The following SEC63 variants were observed in gnomAD, a reference collection of about 807,000 sequenced individuals.
SEC63 encodes the protein SEC63 protein translocation regulator.
In SEC63, 56 loss-of-function variants were observed where a neutral mutation model predicts 116.2. The ratio of observed to expected loss-of-function variants is 0.48; its 90% CI spans 0.39 to 0.60. The LOEUF (loss-of-function observed/expected upper bound fraction) is 0.60. SEC63 is among the 20% of genes least tolerant of loss of function. The pLI is 0.00. For missense variants in SEC63, 668 were observed against 900.0 expected, an observed-to-expected ratio of 0.74 and a Z score of 3.30; for synonymous variants, 273 against 294.6, an observed-to-expected ratio of 0.93 and a Z score of 0.75.
At chr6:107,931,274 G>A (rs1484843113) in intron 1 of SEC63, among the ~76,000 whole-genome samples, 8 of 149,860 alleles carry the variant, frequency 5.3e-5, no homozygotes, top group Admixed American at 1.3e-4. Flanking sequence ...CCTGGGAGGC[G>A]AAGGTCGCAG....
Position 107,881,277 on chromosome 6 carries a change from TA to T in SEC63, c.1834-28del, listed in dbSNP as rs761436360. ...TAGTAAACAAAAAAATTAAAATATT[TA>T]AAATCTAGTATGTGTTTTATCACTT... On this transcript the variant is annotated intron_variant, in intron 17 of 20. Transcript: ENST00000369002. 6 of 1,408,452 alleles carry T rather than the reference TA, an allele frequency of 4.3e-6. No homozygotes were observed. The East Asian group carries it at 1.4e-4, about 32-fold the overall frequency. The allele number at this position is 1,408,452 out of a possible 1,614,324, so 87.2% of individuals were successfully genotyped here.
chr6:107,924,438 C>T (rs1029255250), intron 3 of SEC63, among the ~76,000 whole-genome samples: 1 of 150,586 alleles, frequency 6.6e-6, no homozygotes, highest in African/African-American at 2.4e-5. Context: ...ATTAGACAGG[C>T]GTGATGGCGG....
Position 107,871,639 on chromosome 6 carries a change from T to A in SEC63, c.*65A>T, listed in dbSNP as rs543586366. 18 of 1,525,206 alleles carry A rather than the reference T, an allele frequency of 1.2e-5. No homozygotes were observed. In the African/African-American group the frequency reaches 1.8e-4, roughly 15 times the overall value. 94.5% of individuals were successfully genotyped at this position (1,525,206 alleles called of 1,614,324 possible). A position where few individuals can be genotyped will look rare whatever the true frequency, so the allele number is the denominator to read the frequency against. On this transcript the variant is annotated 3_prime_UTR_variant, in exon 21 of 21. Coordinates refer to ENST00000369002, the MANE Select transcript of SEC63 (RefSeq NM_007214.5). ...GTTCTGTACTGTTTCTGGTTTATGA[T>A]ACACTTCCAAAACAGCAAAAAATTG...
chr6:107,903,658 T>C (rs1309497008), intron 11 of SEC63, among the ~76,000 whole-genome samples: 1 of 152,152 alleles, frequency 6.6e-6, no homozygotes. Flanking sequence ...TGAGCTATGA[T>C]TACCCTACTG....
chr6:107,876,537 A>C, intron 19 of SEC63, 27 bp downstream of exon 19: 1 of 1,350,388 alleles, frequency 7.4e-7, no homozygotes, highest in South Asian at 1.2e-5. Flanking sequence ...CTTGTTAAAC[A>C]CTGAAATCAT....
At chr6:107,921,154 G>C (rs540730965) in intron 4 of SEC63, among the ~76,000 whole-genome samples, 2 of 151,560 alleles carry the variant, frequency 1.3e-5, no homozygotes, top group African/African-American at 4.8e-5. Context: ...GTTTAAATGA[G>C]ATAAGCTACA....
At chr6:107,945,635 C>T (rs187875862) in intron 1 of SEC63, among the ~76,000 whole-genome samples, 49 of 151,788 alleles carry the variant, frequency 3.2e-4, no homozygotes, top group Middle Eastern at 3.4e-3. Flanking sequence ...TGAACAGCAT[C>T]GCCTTTCAAA....
intron 4 of SEC63, among the ~76,000 whole-genome samples, chr6:107,915,484 A>G (rs1163381814): frequency 1.3e-5 from 2 of 152,154 alleles, no homozygotes; most frequent in Non-Finnish European, 1.5e-5. Context: ...AAAAATTAAC[A>G]TATCTTTAAG....
intron 4 of SEC63, among the ~76,000 whole-genome samples, chr6:107,921,024 C>T (rs2114475247): frequency 6.6e-6 from 1 of 152,150 alleles, no homozygotes; most frequent in African/African-American, 2.4e-5. Flanking sequence ...CTTAAAAATC[C>T]ACATCTCAAC....
intron 14 of SEC63, among the ~76,000 whole-genome samples, chr6:107,896,158 C>T (rs1345673744): frequency 1.3e-5 from 2 of 151,028 alleles, no homozygotes; most frequent in Non-Finnish European, 3.0e-5. Flanking sequence ...ACAGTGAGAC[C>T]GTGTCTCAAC....
At chr6:107,913,712 G>A (rs932760689) in intron 4 of SEC63, among the ~76,000 whole-genome samples, 1 of 152,148 alleles carries the variant, frequency 6.6e-6, no homozygotes, top group Non-Finnish European at 1.5e-5. Flanking sequence ...AGTTCAACCA[G>A]ATCAAACTTT....
chr6:107,952,472 A>G (rs919548002), intron 1 of SEC63, among the ~76,000 whole-genome samples: 1 of 152,146 alleles, frequency 6.6e-6, no homozygotes, highest in Non-Finnish European at 1.5e-5. Context: ...GATTAGTTAA[A>G]CTGGGCCGGG....
At chr6:107,886,845 GTTTT>G (rs34959288) in intron 16 of SEC63, among the ~76,000 whole-genome samples, 1 of 128,094 alleles carries the variant, frequency 7.8e-6, no homozygotes, top group Non-Finnish European at 1.7e-5. Flanking sequence ...GTTTTTTTGG[GTTTT>G]TTTTTTTTTT....
At chr6:107,907,581 A>G (rs1787173990) in intron 8 of SEC63, among the ~76,000 whole-genome samples, 1 of 152,184 alleles carries the variant, frequency 6.6e-6, no homozygotes, top group Non-Finnish European at 1.5e-5. Context: ...ACTTTGCCTC[A>G]GAGAAAAAAA....
At chr6:107,948,759 GAAC>G (rs892073855) in intron 1 of SEC63, among the ~76,000 whole-genome samples, 4 of 151,990 alleles carry the variant, frequency 2.6e-5, no homozygotes, top group African/African-American at 7.3e-5. Flanking sequence ...CCACCAAAAC[GAAC>G]AACTGCTTTT....
At chr6:107,954,279 A>G (rs986800864) in intron 1 of SEC63, among the ~76,000 whole-genome samples, 3 of 151,598 alleles carry the variant, frequency 2.0e-5, no homozygotes, top group African/African-American at 7.3e-5. Context: ...CATGCTCGTT[A>G]AGAGTCATCA....
chr6:107,901,282 TAC>T, intron 13 of SEC63, 86 bp downstream of exon 13: 3 of 1,251,770 alleles, frequency 2.4e-6, no homozygotes, highest in South Asian at 2.4e-5. Flanking sequence ...TGTTATTAAG[TAC>T]AGTGTTTTGA....
chr6:107,910,107 A>C (rs1477385562), intron 7 of SEC63, among the ~76,000 whole-genome samples: 1 of 152,184 alleles, frequency 6.6e-6, no homozygotes, highest in Non-Finnish European at 1.5e-5. Flanking sequence ...CCAACTTCCC[A>C]ATGATTCCTA....
intron 1 of SEC63, among the ~76,000 whole-genome samples, chr6:107,932,497 T>C (rs1351866686): frequency 6.6e-6 from 1 of 152,096 alleles, no homozygotes; most frequent in Non-Finnish European, 1.5e-5. Context: ...GAGATCCATG[T>C]AGGGGAGAGT....
Sources: allele counts gnomAD v4.1 joint callset (sites outside exome capture counted in the v4.1 genomes callset), GRCh38; gene constraint gnomAD v4.1.1; transcripts MANE v1.5; gene names NCBI Gene and HGNC (gene_info 2026-07-23, HGNC 2026-07-21).